Variants in PATJ observed in about 807,000 individuals in gnomAD.
The protein encoded by PATJ is PATJ crumbs cell polarity complex component, also known as inaD-like protein.
In PATJ, 190 loss-of-function variants were observed where a neutral mutation model predicts 224.9. The ratio of observed to expected loss-of-function variants is 0.84; its 90% CI spans 0.75 to 0.95. The LOEUF is 0.95. PATJ is among the 40% of genes least tolerant of loss of function. The probability of loss-of-function intolerance (pLI) is 0.00; values close to 1 mark genes in which losing one functional copy is unlikely to be tolerated. For missense variants in PATJ, 2,121 were observed against 2,270.3 expected, an observed-to-expected ratio of 0.93 and a Z score of 1.34; for synonymous variants, 769 against 820.3, an observed-to-expected ratio of 0.94 and a Z score of 1.07.
At chr1:61,804,986 T>C (rs1263239320) in intron 12 of PATJ, among the ~76,000 whole-genome samples, 2 of 152,344 alleles carry the variant, frequency 1.3e-5, no homozygotes, top group Non-Finnish European at 2.9e-5. Flanking sequence ...GCGCTGCTGA[T>C]AGTAAAGATA....
At chr1:61,918,389 C>A (rs946708695) in intron 26 of PATJ, among the ~76,000 whole-genome samples, 1 of 148,130 alleles carries the variant, frequency 6.8e-6, no homozygotes, top group Non-Finnish European at 1.5e-5. Context: ...CTCACTGCAA[C>A]CTCCGCCTCC....
At chr1:61,796,702 CTTTCTTTCTTTCTTTCTTTCTT>C (rs772332415) in intron 10 of PATJ, among the ~76,000 whole-genome samples, 9,826 of 75,092 alleles carry the variant, frequency 0.13, 579 homozygotes, top group Non-Finnish European at 0.17. Flanking sequence ...TTCTTTCTTT[CTTTCTTTCTTTCTTTCTTTCTT>C]TTTCTTTCTT....
At chr1:61,909,523 A>T (rs751478412) in intron 25 of PATJ, among the ~76,000 whole-genome samples, 7 of 152,096 alleles carry the variant, frequency 4.6e-5, no homozygotes, top group Non-Finnish European at 7.4e-5. Flanking sequence ...CTTAGCCTAG[A>T]GTGCAGTGGC....
intron 16 of PATJ, among the ~76,000 whole-genome samples, chr1:61,830,348 A>T (rs900920065): frequency 3.3e-5 from 5 of 152,224 alleles, no homozygotes; most frequent in African/African-American, 1.2e-4. Flanking sequence ...AATACTGCTG[A>T]TAGAAATCAG....
At chr1:61,908,525 G>T (rs1374927167) in intron 25 of PATJ, 43 bp downstream of exon 25, 1 of 1,217,266 alleles carries the variant, frequency 8.2e-7, no homozygotes, top group African/African-American at 1.5e-5. Flanking sequence ...ACAACACTCT[G>T]TATACCTGCA....
At chr1:61,844,384 C>G (rs1229393350) in intron 17 of PATJ, among the ~76,000 whole-genome samples, 9 of 152,072 alleles carry the variant, frequency 5.9e-5, no homozygotes, top group African/African-American at 9.7e-5. Flanking sequence ...CCTTTGAAAA[C>G]TTTGTGTTCT....
At chr1:61,770,385 T>G (rs1002478111) in intron 5 of PATJ, among the ~76,000 whole-genome samples, 1 of 152,170 alleles carries the variant, frequency 6.6e-6, no homozygotes, top group African/African-American at 2.4e-5. Flanking sequence ...AGTTCAAGCC[T>G]GTGCTTCAGA....
chr1:62,131,517 G>A (rs1389966265), intron 41 of PATJ, among the ~76,000 whole-genome samples: 1 of 152,018 alleles, frequency 6.6e-6, no homozygotes, highest in Non-Finnish European at 1.5e-5. Context: ...GTGTGGTAGC[G>A]CATGCCTGTA....
chr1:62,084,070 A>G (rs1659627348), intron 32 of PATJ, among the ~76,000 whole-genome samples: 1 of 152,158 alleles, frequency 6.6e-6, no homozygotes, highest in African/African-American at 2.4e-5. Flanking sequence ...CCTGGCCAGC[A>G]TGGCAAAACC....
At chr1:61,897,394 T>C (rs1670528913) in intron 22 of PATJ, among the ~76,000 whole-genome samples, 1 of 152,162 alleles carries the variant, frequency 6.6e-6, no homozygotes, top group South Asian at 2.1e-4. Flanking sequence ...TAAAGGCAAG[T>C]TTTTTTCATG....
chr1:62,148,261 C>T (rs774103394), intron 41 of PATJ, 23 bp from the exon 42 acceptor site: 6 of 1,536,028 alleles, frequency 3.9e-6, no homozygotes, highest in Non-Finnish European at 5.4e-6. Context: ...TAATGAAATA[C>T]CTTTTTTTCA....
At chr1:61,939,157 A>G (rs1402298065) in intron 27 of PATJ, among the ~76,000 whole-genome samples, 1 of 149,638 alleles carries the variant, frequency 6.7e-6, no homozygotes, top group African/African-American at 2.5e-5. Flanking sequence ...AATTCATGTA[A>G]TTCTAAAAAC....
intron 39 of PATJ, among the ~76,000 whole-genome samples, chr1:62,127,644 A>G (rs1479911962): frequency 6.6e-6 from 1 of 152,078 alleles, no homozygotes; most frequent in Non-Finnish European, 1.5e-5. Flanking sequence ...TGTCTCTACT[A>G]AAAATACAAA....
In PATJ at chr1:62,033,986, G is replaced by A. The variant is rs907198084; in HGVS notation, c.3960-3991G>A. ...AATGAGGACACACATGCAGTGTTCCGTGCTCTGGAAAACAGGTCTCACCCT... is the reference window on the plus strand; with the variant it reads ...AATGAGGACACACATGCAGTGTTCCATGCTCTGGAAAACAGGTCTCACCCT... On this transcript the variant is annotated intron_variant, in intron 29 of 43. Coordinates refer to ENST00000642238, the MANE Select transcript of PATJ (RefSeq NM_001350145.3). 3.9e-5 allele frequency among the ~76,000 whole-genome samples: 6 copies of A among 152,218 alleles called. No homozygotes were observed. The East Asian group carries it at 9.7e-4, about 25-fold the overall frequency.
Position 61,959,784 on chromosome 1 carries a change from G to C in PATJ, c.3671-30384G>C, listed in dbSNP as rs1393441831. On this transcript the variant is annotated intron_variant, in intron 27 of 43. Transcript: ENST00000642238. ...CATATGGGTCTCAACACAGTCCTTTGTACATAATTATTGCTTAATGTTGTA... is the reference window on the plus strand; with the variant it reads ...CATATGGGTCTCAACACAGTCCTTTCTACATAATTATTGCTTAATGTTGTA... Among the ~76,000 whole-genome samples, 8 of 152,020 alleles carry C rather than the reference G, an allele frequency of 5.3e-5. No individual in the cohort carries two copies. The East Asian group carries it at 1.5e-3, about 29-fold the overall frequency.
chr1:61,976,393 G>A (rs1644134280), intron 27 of PATJ, among the ~76,000 whole-genome samples: 1 of 151,840 alleles, frequency 6.6e-6, no homozygotes, highest in Admixed American at 6.6e-5. Flanking sequence ...ATTGTTGTGA[G>A]GGGTTTTTTT....
intron 29 of PATJ, among the ~76,000 whole-genome samples, chr1:62,019,869 T>C (rs532633011): frequency 1.4e-4 from 21 of 152,210 alleles, no homozygotes; most frequent in African/African-American, 3.9e-4. Flanking sequence ...TTGAAAACTT[T>C]GCATAAAGTT....
intron 20 of PATJ, among the ~76,000 whole-genome samples, chr1:61,870,729 T>C (rs1259545816): frequency 6.6e-6 from 1 of 152,228 alleles, no homozygotes; most frequent in Admixed American, 6.5e-5. Flanking sequence ...TTCAGTTCTT[T>C]TTAGTATATA....
At chr1:62,145,100 C>A (rs1305811046) in intron 41 of PATJ, among the ~76,000 whole-genome samples, 1 of 152,086 alleles carries the variant, frequency 6.6e-6, no homozygotes, top group Admixed American at 6.5e-5. Flanking sequence ...CAGGTGCGAG[C>A]CACCGTGCAC....
Sources: gnomAD v4.1 joint callset for allele counts (sites outside exome capture counted in the v4.1 genomes callset) on GRCh38, gnomAD v4.1.1 for gene constraint, MANE v1.5 for transcripts, NCBI Gene and HGNC (gene_info 2026-07-23, HGNC 2026-07-21) for gene names.